The following TTN variants were observed in gnomAD, a reference collection of about 807,000 sequenced individuals.
TTN encodes the protein connectin.
TTN carries 1,525 observed loss-of-function variants against 3,223.0 expected under a neutral mutation model. The observed-to-expected ratio is 0.47, with a 90% CI of 0.45 to 0.49. The LOEUF is 0.49. TTN is among the 20% of genes least tolerant of loss of function. The pLI is 0.00. For missense variants in TTN, 40,786 were observed against 43,424.0 expected (o/e 0.94, Z 5.40); for synonymous variants, 14,094 against 15,161.0 (o/e 0.93, Z 5.17).
Position 178,612,869 on chromosome 2 carries a change from C to T in TTN, c.49852G>A (p.Gly16618Arg), listed in dbSNP as rs1418313981. ...CTAACTCGGAATGAGTATTCCTGTC[C>T]TTCCATGAGCCCTGGGAGCAAGTGC... is the stretch of plus-strand genomic sequence containing the variant. ...TQHLLPGLMEGQEYSFRVRAV... is the reference protein window; with the variant it reads ...TQHLLPGLMERQEYSFRVRAV... Residue 16618 changes from glycine (G) to arginine (R), a missense_variant, in exon 265 of 363, where the codon GGA becomes AGA. Coordinates refer to ENST00000589042, the MANE Select transcript of TTN (RefSeq NM_001267550.2). The T allele has an allele frequency of 1.9e-6, 3 of 1,612,452 alleles. No homozygotes were observed. Among genetic ancestry groups the T allele is most frequent in the Non-Finnish European group, 1.7e-6 (2 of 1,179,236 alleles).
rs1455879402 is a variant in TTN, at chr2:178,664,069, C to G, written c.36310G>C (p.Glu12104Gln). Residue 12104 changes from glutamate (E) to glutamine (Q), a missense_variant, in exon 169 of 363, where the codon GAA (glutamate) becomes CAA (glutamine). Physicochemically the swap from Glu to Gln is conservative, Grantham distance 29. Transcript: ENST00000589042. ...GGAGGCACCACCGACACTTTCTTTTCAGGGATAATCTCTTTGGGAGCTTCG... is the reference window on the plus strand; with the variant it reads ...GGAGGCACCACCGACACTTTCTTTTGAGGGATAATCTCTTTGGGAGCTTCG... ...VHEAPKEIIP[E>Q]KKVSVVPPKK... 6.2e-7 allele frequency: 1 copy of G among 1,612,830 alleles called. No individual in the cohort carries two copies. The highest frequency in any genetic ancestry group is 8.5e-7 in the Non-Finnish European group (1 of 1,179,658).
Position 178,527,250 on chromosome 2 carries a change from A to G in TTN, c.107738T>C (p.Val35913Ala), listed in dbSNP as rs771568319. 2.5e-6 allele frequency: 4 copies of G among 1,613,238 alleles called. No homozygotes were observed. The highest frequency in any genetic ancestry group is 3.4e-6 in the Non-Finnish European group (4 of 1,179,334). Residue 35913 changes from valine (V) to alanine (A), a missense_variant, in exon 363 of 363, where the codon GTT (valine) becomes GCT (alanine). Val to Ala is a moderately conservative substitution (Grantham distance 64). Coordinates refer to ENST00000589042, the MANE Select transcript of TTN (RefSeq NM_001267550.2). ...PSDISIDEGK[V>A]LTVACAFTGE... is the part of the protein sequence containing the mutation. ...CGTGAAAGCACAGGCTACTGTTAGA[A>G]CTTTGCCTTCATCAATGCTGATATC... is the stretch of plus-strand genomic sequence containing the variant.
chr2:178,541,377 C>A lies in TTN; in HGVS notation c.97700G>T (p.Gly32567Val), dbSNP rs772113226. The A allele has an allele frequency of 1.9e-6, 3 of 1,608,660 alleles. No individual in the cohort carries two copies. Among genetic ancestry groups the A allele is most frequent in the Non-Finnish European group, 2.5e-6 (3 of 1,177,224 alleles). ...TRYRSTGLTE[G>V]LEYEHRVTAI... The stretch of plus-strand genomic sequence containing the variant: ...TGTGACACGGTGTTCATATTCTAAG[C>A]CTTCAGTAAGGCCAGTGGAGCGGTA... Residue 32567 changes from glycine to valine, a missense_variant, in exon 350 of 363, where the codon GGC becomes GTC. Physicochemically the swap from Gly to Val is moderately radical, Grantham distance 109. Transcript: ENST00000589042.
At chr2:178,543,036 C>CTTTTTTTTTTTTT in intron 347 of TTN, 33 bp downstream of exon 347, 3 of 1,392,068 alleles carry the variant, frequency 2.2e-6, no homozygotes, top group African/African-American at 3.1e-5. Context: ...TTTTACTTTA[C>CTTTTTTTTTTTTT]TTTTTTTTTT....
rs774488793 is a variant in TTN, at chr2:178,591,715, C to A, written c.60104G>T (p.Cys20035Phe). ...TCCTTGTTGTAGTCCAGTAACCACA[C>A]ACTCTAAGTTTGTCACAGTCTTAAA... ...IKFKTVTNLE[C>F]VVTGLQQGKT... Residue 20035 changes from cysteine to phenylalanine, a missense_variant, in exon 303 of 363, where the codon TGT (cysteine) becomes TTT (phenylalanine). By Grantham distance (205) the Cys-to-Phe change is radical. Coordinates refer to ENST00000589042, the MANE Select transcript of TTN (RefSeq NM_001267550.2). The A allele has an allele frequency of 5.6e-6, 9 of 1,613,244 alleles. No homozygotes were observed. Among genetic ancestry groups the A allele is most frequent in the Middle Eastern group, 1.6e-4 (1 of 6,076 alleles).
chr2:178,729,498 A>G lies in TTN; in HGVS notation c.18658T>C (p.Cys6220Arg). 1.2e-6 allele frequency: 2 copies of G among 1,613,330 alleles called. No individual in the cohort carries two copies. The highest frequency in any genetic ancestry group is 1.7e-4 in the Middle Eastern group (1 of 6,052). The change falls in exon 64 of 363, where the codon TGT becomes CGT. Residue 6220 changes from cysteine (C) to arginine (R), a missense_variant. Transcript: ENST00000589042. ...VVKYSDVELE[C>R]EVTGTPPFEV... Reference sequence around the variant, plus strand: ...AACGGAGGTGTTCCCGTAACTTCACACTCCAGCTCCACGTCACTATATTTT... The same window carrying G: ...AACGGAGGTGTTCCCGTAACTTCACGCTCCAGCTCCACGTCACTATATTTT...
In TTN at chr2:178,546,448, C is replaced by T. The variant is rs1697174649; in HGVS notation, c.94883G>A (p.Arg31628Lys). The change falls in exon 342 of 363, where the codon AGA (arginine) becomes AAA (lysine). Residue 31628 changes from arginine (R) to lysine (K), a missense_variant. Physicochemically the swap from Arg to Lys is conservative, Grantham distance 26. Transcript: ENST00000589042. ...ARLHGDLVTI[R>K]AGSDLVLDAA... ...ATCCAGAACAAGATCAGAACCTGCT[C>T]TGATGGTAACCAGATCACCGTGTAA... 1 of 1,613,672 alleles carries T rather than the reference C, an allele frequency of 6.2e-7. No homozygotes were observed. Among genetic ancestry groups the T allele is most frequent in the East Asian group, 2.2e-5 (1 of 44,822 alleles).
rs530321856 is a variant in TTN at position 178,734,878 on chromosome 2, A to G, written c.15046T>C (p.Phe5016Leu). Residue 5016 changes from phenylalanine to leucine, a missense_variant, in exon 51 of 363, where the codon TTT (phenylalanine) becomes CTT (leucine). Coordinates refer to ENST00000589042, the MANE Select transcript of TTN (RefSeq NM_001267550.2). ...KGSPVIQVTWFKNNKELSESN... is the reference protein window; with the variant it reads ...KGSPVIQVTWLKNNKELSESN... ...TCACTGAGTTCTTTGTTATTTTTAA[A>G]CCAAGTAACCTGGATCACAGGTGAG... 3 of 1,613,614 alleles carry G rather than the reference A, an allele frequency of 1.9e-6. No individual in the cohort carries two copies. The highest frequency in any genetic ancestry group is 1.3e-5 in the African/African-American group (1 of 75,046).
chr2:178,577,450 T>G lies in TTN; in HGVS notation c.68885A>C (p.Asp22962Ala). The G allele has an allele frequency of 6.2e-7, 1 of 1,604,366 alleles. No homozygotes were observed. Among genetic ancestry groups the G allele is most frequent in the Non-Finnish European group, 8.5e-7 (1 of 1,173,642 alleles). Residue 22962 changes from aspartate (D) to alanine (A), a missense_variant, in exon 324 of 363, where the codon GAT (aspartate) becomes GCT (alanine). By Grantham distance (126) the Asp-to-Ala change is moderately radical. Transcript: ENST00000589042. ...IKDGLTIKAGDTIVLNAISIL... is the reference protein window; with the variant it reads ...IKDGLTIKAGATIVLNAISIL... The stretch of plus-strand genomic sequence containing the variant: ...GCTAATGGCATTCAAAACAATGGTA[T>G]CCCCTGCTTTAATTGTTAGCCCATC...
At chr2:178,745,855 C>G in intron 47 of TTN, 1 of 1,612,920 alleles carries the variant, frequency 6.2e-7, no homozygotes, top group Non-Finnish European at 8.5e-7. Flanking sequence ...CTTTGATAAA[C>G]CTGGGAGGCC....
intron 150 of TTN, 96 bp from the exon 151 acceptor site, chr2:178,674,505 G>A (rs565205045): frequency 2.4e-5 from 17 of 709,968 alleles, no homozygotes; most frequent in African/African-American, 3.7e-5. Flanking sequence ...CCTTCGAAAC[G>A]CTTGTGTAAA....
chr2:178,579,816 T>A lies in TTN; in HGVS notation c.67381A>T (p.Arg22461Trp). 2 of 1,613,300 alleles carry A rather than the reference T, an allele frequency of 1.2e-6. No homozygotes were observed. Among genetic ancestry groups the A allele is most frequent in the Non-Finnish European group, 8.5e-7 (1 of 1,179,500 alleles). ...TPGPVVDLKV[R>W]SVSKSSCSIG... ...CTACAGGATGACTTAGATACAGACC[T>A]CACTTTCAGGTCCACAACTGGTCCA... is the stretch of plus-strand genomic sequence containing the variant. The change falls in exon 319 of 363, where the codon AGG becomes TGG. Residue 22461 changes from arginine to tryptophan, a missense_variant. Arg to Trp is a moderately radical substitution (Grantham distance 101). Coordinates refer to ENST00000589042, the MANE Select transcript of TTN (RefSeq NM_001267550.2).
chr2:178,779,089 G>A lies in TTN; in HGVS notation c.3993C>T (p.Ile1331=), dbSNP rs55757622. The change falls in exon 24 of 363, where the codon ATC becomes ATT. Residue 1331 remains isoleucine, a synonymous_variant. Coordinates refer to ENST00000589042, the MANE Select transcript of TTN (RefSeq NM_001267550.2). ...CCATTTGGTATCTTTCTCCATGTTT[G>A]ATGCGCTTGCCATCTTTGTACCAAG... ...KIAWYKDGKR[I]KHGERYQMDF... The A allele has an allele frequency of 2.4e-3, 3,864 of 1,613,872 alleles. 90 individuals are homozygous for A. In the African/African-American group the frequency reaches 0.045, roughly 19 times the overall value.
At chr2:178,554,831 T>C in intron 331 of TTN, 34 bp downstream of exon 331, 1 of 1,612,974 alleles carries the variant, frequency 6.2e-7, no homozygotes, top group African/African-American at 1.3e-5. Context: ...TTTAGGCAAA[T>C]GTAATATGAC....
chr2:178,569,555 C>G lies in TTN; in HGVS notation c.76577G>C (p.Gly25526Ala). 6.2e-7 allele frequency: 1 copy of G among 1,612,920 alleles called. No individual in the cohort carries two copies. The highest frequency in any genetic ancestry group is 2.2e-5 in the East Asian group (1 of 44,712). ...LRKIINIRAG[G>A]SLRLFVPIKG... The stretch of plus-strand genomic sequence containing the variant: ...TATAGGAACAAATAACCTTAAGGAG[C>G]CACCTGCCCTTATATTTATGATTTT... Residue 25526 changes from glycine (G) to alanine (A), a missense_variant, in exon 326 of 363, where the codon GGC becomes GCC. Physicochemically the swap from Gly to Ala is moderately conservative, Grantham distance 60 (BLOSUM62 0). Coordinates refer to ENST00000589042, the MANE Select transcript of TTN (RefSeq NM_001267550.2).
chr2:178,613,368 A>G, intron 263 of TTN, 92 bp from the exon 264 acceptor site: 2 of 1,057,628 alleles, frequency 1.9e-6, no homozygotes, highest in Non-Finnish European at 2.7e-6. Context: ...ATTTATTTAA[A>G]TTGTGAAAAG....
intron 294 of TTN, among the ~76,000 whole-genome samples, chr2:178,596,741 T>C (rs534442024): frequency 6.6e-6 from 1 of 152,176 alleles, no homozygotes; most frequent in South Asian, 2.1e-4. Context: ...ATATTCAACA[T>C]AGAACTGGCA....
In TTN at chr2:178,560,918, T is replaced by A; in HGVS notation, c.85214A>T (p.Glu28405Val). 1 of 1,613,852 alleles carries A rather than the reference T, an allele frequency of 6.2e-7. No homozygotes were observed. Among genetic ancestry groups the A allele is most frequent in the Non-Finnish European group, 8.5e-7 (1 of 1,179,832 alleles). ...GIEIEERART[E>V]IISTDNHTLL... ...AGTATGATTGTCTGTTGAGATGATT[T>A]CTGTTCTTGCTCTTTCTTCAATTTC... The change falls in exon 326 of 363, where the codon GAA becomes GTA. Residue 28405 changes from glutamate (E) to valine (V), a missense_variant. Physicochemically the swap from Glu to Val is moderately radical, Grantham distance 121. Coordinates refer to ENST00000589042, the MANE Select transcript of TTN (RefSeq NM_001267550.2).
chr2:178,547,752 T>A lies in TTN; in HGVS notation c.93874A>T (p.Asn31292Tyr). 1 of 1,613,940 alleles carries A rather than the reference T, an allele frequency of 6.2e-7. No homozygotes were observed. Among genetic ancestry groups the A allele is most frequent in the African/African-American group, 1.3e-5 (1 of 75,052 alleles). Reference sequence around the variant, plus strand: ...CTAAATGTTTTAACACCAGCTGTATTTTCCAGGGTCAAGAAGTATCTTCCA... The same window carrying A: ...CTAAATGTTTTAACACCAGCTGTATATTCCAGGGTCAAGAAGTATCTTCCA... ...DSGRYFLTLENTAGVKTFSVT... is the reference protein window; with the variant it reads ...DSGRYFLTLEYTAGVKTFSVT... The change falls in exon 339 of 363, where the codon AAT becomes TAT. Residue 31292 changes from asparagine (N) to tyrosine (Y), a missense_variant. Coordinates refer to ENST00000589042, the MANE Select transcript of TTN (RefSeq NM_001267550.2).
Sources: gnomAD v4.1 joint callset for allele counts (sites outside exome capture counted in the v4.1 genomes callset) on GRCh38, gnomAD v4.1.1 for gene constraint, MANE v1.5 for transcripts, NCBI Gene and HGNC (gene_info 2026-07-23, HGNC 2026-07-21) for gene names.